FREM1: variants seen among roughly 807,000 people sequenced by gnomAD.
FREM1 encodes the protein FRAS1 related extracellular matrix 1.
FREM1 carries 220 observed loss-of-function variants against 210.1 expected under a neutral mutation model. The observed-to-expected ratio is 1.05, with a 90% confidence interval of 0.94 to 1.17. The LOEUF (loss-of-function observed/expected upper bound fraction) is 1.17, where lower values mean the gene tolerates loss of function less well. Among genes scored for constraint, FREM1 ranks in the 50% most tolerant of loss-of-function variants. The pLI, the probability that FREM1 is intolerant of heterozygous loss-of-function variation, is 0.00. For synonymous variants in FREM1, 1,189 were observed against 980.2 expected, an observed-to-expected ratio of 1.21 and a Z score of -3.98; for missense variants, 3,454 against 2,675.5, an observed-to-expected ratio of 1.29 and a Z score of -6.42.
chr9:14,821,213 C>T (rs1821249432), intron 13 of FREM1, among the ~76,000 whole-genome samples: 1 of 152,008 alleles, frequency 6.6e-6, no homozygotes, highest in African/African-American at 2.4e-5. Context: ...ACTGAAGCTG[C>T]TAATTTAATT....
At chr9:14,835,044 G>GT (rs1554690594) in intron 10 of FREM1, among the ~76,000 whole-genome samples, 3 of 152,160 alleles carry the variant, frequency 2.0e-5, no homozygotes, top group Non-Finnish European at 4.4e-5. Flanking sequence ...TTTGAAGATT[G>GT]TAACACTGAA....
intron 34 of FREM1, 60 bp from the exon 35 acceptor site, chr9:14,746,528 G>C: frequency 7.6e-7 from 1 of 1,318,790 alleles, no homozygotes; most frequent in Non-Finnish European, 1.1e-6. Flanking sequence ...AGTTGGTTCA[G>C]CATAAGGAGT....
chr9:14,759,518 C>CAATAACAATAATAATAATAATAAT (rs145791752), intron 28 of FREM1, among the ~76,000 whole-genome samples: 4 of 143,042 alleles, frequency 2.8e-5, no homozygotes, highest in African/African-American at 7.7e-5. Context: ...CTCAAAATAA[C>CAATAACAATAATAATAATAATAAT]AATAATAATA....
chr9:14,767,278 C>T (rs1846604659), intron 27 of FREM1, among the ~76,000 whole-genome samples: 1 of 152,080 alleles, frequency 6.6e-6, no homozygotes, highest in African/African-American at 2.4e-5. Context: ...CTTTAAGGTC[C>T]TATATGAGTA....
Position 14,842,307 on chromosome 9 carries a change from A to G in FREM1, c.1738+9T>C. The G allele has an allele frequency of 6.6e-7, 1 of 1,523,808 alleles. No individual in the cohort carries two copies. The highest frequency in any genetic ancestry group is 8.9e-7 in the Non-Finnish European group (1 of 1,124,554). The allele number at this position is 1,523,808 out of a possible 1,614,324, so 94.4% of individuals were successfully genotyped here. A position where few individuals can be genotyped will look rare whatever the true frequency, so the allele number is the denominator to read the frequency against. ...TCCATTCAAATGATCTTAACTGCCC[A>G]GAACTTACCTATCAGTCCTGGCCCT... On this transcript the variant is annotated intron_variant, in intron 9 of 36. Transcript: ENST00000380880.
At chr9:14,906,335 T>C (rs1245840092) in intron 1 of FREM1, among the ~76,000 whole-genome samples, 1 of 152,210 alleles carries the variant, frequency 6.6e-6, no homozygotes, top group Non-Finnish European at 1.5e-5. Context: ...TTCCGGCCCT[T>C]GCGTCAATAC....
At chr9:14,882,074 T>C (rs1834890104) in intron 1 of FREM1, among the ~76,000 whole-genome samples, 1 of 152,102 alleles carries the variant, frequency 6.6e-6, no homozygotes, top group Non-Finnish European at 1.5e-5. Flanking sequence ...CAGGAGAGAA[T>C]GTAAACTTCT....
intron 1 of FREM1, among the ~76,000 whole-genome samples, chr9:14,901,263 C>T (rs1367152044): frequency 6.6e-6 from 1 of 152,156 alleles, no homozygotes; most frequent in Non-Finnish European, 1.5e-5. Flanking sequence ...GCTTAATCAT[C>T]TGCTGTAAAG....
At chr9:14,844,225 CTTT>C (rs35686371) in intron 8 of FREM1, among the ~76,000 whole-genome samples, 3 of 138,778 alleles carry the variant, frequency 2.2e-5, no homozygotes, top group Non-Finnish European at 3.1e-5. Context: ...ACAACTCTTC[CTTT>C]TTTTTTTTTT....
At chr9:14,791,606 T>C (rs1370715537) in intron 22 of FREM1, among the ~76,000 whole-genome samples, 2 of 152,008 alleles carry the variant, frequency 1.3e-5, no homozygotes, top group Non-Finnish European at 2.9e-5. Context: ...GGGACTGCAG[T>C]GGGATGAAGA....
intron 7 of FREM1, among the ~76,000 whole-genome samples, chr9:14,847,400 A>AGAAGGAAGGAAGGAAGGAAGGAAGGAAG (rs1348075386): frequency 0.024 from 830 of 34,814 alleles, 134 homozygotes; most frequent in South Asian, 0.041. Flanking sequence ...AGAGAGAAAA[A>AGAAGGAAGGAAGGAAGGAAGGAAGGAAG]GAAGGAAGGA....
intron 27 of FREM1, among the ~76,000 whole-genome samples, chr9:14,762,755 A>ATTT (rs34136678): frequency 0.022 from 3,029 of 137,822 alleles, 94 homozygotes; most frequent in African/African-American, 0.05. Flanking sequence ...TTTGAATGTG[A>ATTT]TTTTTTTTTT....
At chr9:14,833,115 G>C (rs535634676) in intron 10 of FREM1, among the ~76,000 whole-genome samples, 1 of 152,196 alleles carries the variant, frequency 6.6e-6, no homozygotes, top group East Asian at 1.9e-4. Context: ...CAGTGCCTGG[G>C]TAAGGGCCAC....
intron 3 of FREM1, 39 bp from the exon 4 acceptor site, chr9:14,859,523 C>G: frequency 6.5e-7 from 1 of 1,546,466 alleles, no homozygotes; most frequent in Non-Finnish European, 8.8e-7. Flanking sequence ...TTAATTGGTG[C>G]TCAGGTATTT....
intron 23 of FREM1, among the ~76,000 whole-genome samples, chr9:14,786,071 G>C (rs1850381353): frequency 6.6e-6 from 1 of 152,072 alleles, no homozygotes; most frequent in South Asian, 2.1e-4. Context: ...CAAATATAGG[G>C]CTTCTACTCT....
rs1408603451 is a variant in FREM1, at chr9:14,778,650, A to G, written c.4443-2447T>C. Among the ~76,000 whole-genome samples, 305 of 67,348 alleles carry G rather than the reference A, an allele frequency of 4.5e-3. 7 individuals carry two copies. Among genetic ancestry groups the G allele is most frequent in the Non-Finnish European group, 6.3e-3 (222 of 35,116 alleles). The allele number at this position is 67,348 out of a possible 152,430, so 44.2% of individuals were successfully genotyped here. A position where few individuals can be genotyped will look rare whatever the true frequency, so the allele number is the denominator to read the frequency against. On this transcript the variant is annotated intron_variant, in intron 24 of 36. Coordinates refer to ENST00000380880, the MANE Select transcript of FREM1 (RefSeq NM_001379081.2). ...AAAAAAGAGGAAAGGAAAGGGAGGGAAGGGAGGGGAGGGAGGGGAGGGAGG... is the reference window on the plus strand; with the variant it reads ...AAAAAAGAGGAAAGGAAAGGGAGGGGAGGGAGGGGAGGGAGGGGAGGGAGG...
At position 14,818,977 on chromosome 9, in the gene FREM1, C is replaced by A. The variant is rs146799220; in HGVS notation, c.2546+257G>T. ...GTGCAGTTACTGCCAATTTAATATT[C>A]ACGGCAATTAAATTTTTATTGTTCA... On this transcript the variant is annotated intron_variant, in intron 14 of 36. Transcript: ENST00000380880. Among the ~76,000 whole-genome samples the A allele has an allele frequency of 2.7e-3, 404 of 152,192 alleles. 3 individuals are homozygous for A. The highest frequency in any genetic ancestry group is 9.3e-3 in the African/African-American group (384 of 41,496).
intron 19 of FREM1, among the ~76,000 whole-genome samples, chr9:14,803,001 C>G (rs1817579160): frequency 6.9e-6 from 1 of 144,650 alleles, no homozygotes; most frequent in Non-Finnish European, 1.5e-5. Context: ...CTCCCTCCCT[C>G]CCTTCCTCCC....
At position 14,852,936 on chromosome 9, in the gene FREM1, T is replaced by C. The variant is rs182511820; in HGVS notation, c.829-1329A>G. Among the ~76,000 whole-genome samples the C allele has an allele frequency of 1.5e-3, 232 of 152,338 alleles. 1 individual carries two copies. The highest frequency in any genetic ancestry group is 4.9e-3 in the African/African-American group (203 of 41,564). Reference sequence around the variant, plus strand: ...TATGCAGAATTTACAAAGCAAGTTGTCTGGAACTAATTCCAGACTCCAGAA... The same window carrying C: ...TATGCAGAATTTACAAAGCAAGTTGCCTGGAACTAATTCCAGACTCCAGAA... On this transcript the variant is annotated intron_variant, in intron 5 of 36. Coordinates refer to ENST00000380880, the MANE Select transcript of FREM1 (RefSeq NM_001379081.2).
Sources: gnomAD v4.1 joint callset for allele counts (sites outside exome capture counted in the v4.1 genomes callset) on GRCh38, gnomAD v4.1.1 for gene constraint, MANE v1.5 for transcripts, NCBI Gene and HGNC (gene_info 2026-07-23, HGNC 2026-07-21) for gene names.